The following HS3ST4 variants were observed in gnomAD, a reference collection of about 807,000 sequenced individuals.
HS3ST4 encodes heparan sulfate-glucosamine 3-sulfotransferase 4, also known as heparan sulfate glucosamine 3-O-sulfotransferase 4.
Under a neutral mutation model 29.2 loss-of-function variants are expected in HS3ST4, and 17 were observed. That is an observed-to-expected ratio of 0.58 (90% confidence interval 0.40 to 0.87). The LOEUF is 0.87. Ranked by LOEUF, HS3ST4 falls within the 40% of genes least tolerant of loss-of-function variation. The pLI is 0.00. For missense variants in HS3ST4, 627 were observed against 634.5 expected (o/e 0.99, Z 0.13); for synonymous variants, 314 against 285.7 (o/e 1.10, Z -1.00).
intron 1 of HS3ST4, among the ~76,000 whole-genome samples, chr16:25,742,723 T>C (rs536763642): frequency 6.6e-6 from 1 of 152,342 alleles, no homozygotes; most frequent in African/African-American, 2.4e-5. Context: ...CCTTTTGTTT[T>C]ACTCTCAGCA....
intron 1 of HS3ST4, among the ~76,000 whole-genome samples, chr16:25,863,880 G>T (rs1039699830): frequency 6.6e-6 from 1 of 152,230 alleles, no homozygotes; most frequent in South Asian, 2.1e-4. Context: ...AGACTGGATG[G>T]TTTAAACAAA....
intron 1 of HS3ST4, among the ~76,000 whole-genome samples, chr16:25,896,381 A>C (rs1370569096): frequency 6.6e-6 from 1 of 152,220 alleles, no homozygotes; most frequent in Non-Finnish European, 1.5e-5. Flanking sequence ...CAGGCAGGTA[A>C]CAAACATATG....
intron 1 of HS3ST4, among the ~76,000 whole-genome samples, chr16:26,122,677 T>C (rs1899291947): frequency 1.3e-5 from 2 of 152,166 alleles, no homozygotes; most frequent in Non-Finnish European, 2.9e-5. Context: ...CAATGTCCAT[T>C]TGAGAGGTGG....
intron 1 of HS3ST4, among the ~76,000 whole-genome samples, chr16:25,742,269 C>G (rs149197581): frequency 1.3e-5 from 2 of 152,138 alleles, no homozygotes; most frequent in African/African-American, 4.8e-5. Context: ...AGAAATGGTA[C>G]GCAGAAGCTC....
chr16:25,791,608 T>A (rs1966869391), intron 1 of HS3ST4, among the ~76,000 whole-genome samples: 1 of 152,146 alleles, frequency 6.6e-6, no homozygotes, highest in Non-Finnish European at 1.5e-5. Context: ...TGTAGACTTT[T>A]GTATAGAGTT....
At chr16:26,121,537 G>A (rs1242993002) in intron 1 of HS3ST4, among the ~76,000 whole-genome samples, 1 of 152,192 alleles carries the variant, frequency 6.6e-6, no homozygotes, top group Non-Finnish European at 1.5e-5. Context: ...CTCAGCGAGA[G>A]CAAACAGGGC....
At chr16:25,754,683 T>TAA (rs111267538) in intron 1 of HS3ST4, among the ~76,000 whole-genome samples, 63 of 152,176 alleles carry the variant, frequency 4.1e-4, no homozygotes, top group African/African-American at 1.5e-3. Context: ...AAAGCCCCTT[T>TAA]AAAACCCTCA....
At chr16:25,727,813 T>G (rs1251408588) in intron 1 of HS3ST4, among the ~76,000 whole-genome samples, 2 of 152,138 alleles carry the variant, frequency 1.3e-5, no homozygotes, top group Non-Finnish European at 2.9e-5. Context: ...CATTCAGGTG[T>G]TTTATGGAAG....
At chr16:25,929,016 AAC>A (rs1158565394) in intron 1 of HS3ST4, among the ~76,000 whole-genome samples, 11 of 152,210 alleles carry the variant, frequency 7.2e-5, no homozygotes, top group Admixed American at 1.3e-4. Context: ...GAACATAGGA[AAC>A]ACGTGTAGAA....
At chr16:26,014,425 G>A (rs964299311) in intron 1 of HS3ST4, among the ~76,000 whole-genome samples, 13 of 152,130 alleles carry the variant, frequency 8.5e-5, no homozygotes, top group African/African-American at 2.7e-4. Flanking sequence ...TTTGGTGTTC[G>A]AATTATTTCA....
At chr16:25,887,357 T>G (rs527896829) in intron 1 of HS3ST4, among the ~76,000 whole-genome samples, 16 of 152,110 alleles carry the variant, frequency 1.1e-4, no homozygotes, top group African/African-American at 3.6e-4. Context: ...TCCTGGTGGG[T>G]GTCTAAAGCT....
chr16:25,960,145 A>AG lies in HS3ST4; in HGVS notation c.735-175466dup, dbSNP rs753255662. The stretch of plus-strand genomic sequence containing the variant: ...GAGTGAAACTCCGTCTCAAAAAAAA[A>AG]GAATCTGGGACCTTCCCCATTTCTC... On this transcript the variant is annotated intron_variant, in intron 1 of 1. Coordinates refer to ENST00000331351, the MANE Select transcript of HS3ST4 (RefSeq NM_006040.3). Among the ~76,000 whole-genome samples, 3 of 152,170 alleles carry AG rather than the reference A, an allele frequency of 2.0e-5. No homozygotes were observed. In the South Asian group the frequency reaches 6.2e-4, roughly 32 times the overall value.
At chr16:25,925,931 T>C (rs768635045) in intron 1 of HS3ST4, among the ~76,000 whole-genome samples, 4 of 152,204 alleles carry the variant, frequency 2.6e-5, no homozygotes, top group Non-Finnish European at 4.4e-5. Context: ...CAAGTTGTAC[T>C]CCCTCTCTGC....
intron 1 of HS3ST4, among the ~76,000 whole-genome samples, chr16:25,846,449 T>A (rs2141647369): frequency 6.6e-6 from 1 of 152,082 alleles, no homozygotes; most frequent in Middle Eastern, 3.4e-3. Context: ...TGGGAGGATC[T>A]CTTGAGCCCA....
At chr16:25,693,574 A>T (rs1216417065) in intron 1 of HS3ST4, among the ~76,000 whole-genome samples, 1 of 152,184 alleles carries the variant, frequency 6.6e-6, no homozygotes. Flanking sequence ...GTCCCCTGGA[A>T]TCTCTTAAAA....
At chr16:25,918,823 C>A (rs1215381816) in intron 1 of HS3ST4, among the ~76,000 whole-genome samples, 1 of 152,072 alleles carries the variant, frequency 6.6e-6, no homozygotes, top group Non-Finnish European at 1.5e-5. Flanking sequence ...CAAAAAGTTG[C>A]AAGAGAAGCC....
intron 1 of HS3ST4, among the ~76,000 whole-genome samples, chr16:25,735,928 G>A (rs1033701852): frequency 6.6e-6 from 1 of 152,126 alleles, no homozygotes; most frequent in African/African-American, 2.4e-5. Flanking sequence ...GAAAATTGAG[G>A]CACTAATTAC....
intron 1 of HS3ST4, among the ~76,000 whole-genome samples, chr16:25,888,157 G>T (rs1967973865): frequency 6.6e-6 from 1 of 152,098 alleles, no homozygotes; most frequent in African/African-American, 2.4e-5. Context: ...GAGCAAGCAG[G>T]CCTGCTTCAT....
intron 1 of HS3ST4, among the ~76,000 whole-genome samples, chr16:26,086,494 C>G (rs563269127): frequency 1.3e-5 from 2 of 152,136 alleles, no homozygotes; most frequent in Admixed American, 1.3e-4. Flanking sequence ...GGACTACAGT[C>G]GCCTGCCACC....
Sources: gnomAD v4.1 joint callset for allele counts (sites outside exome capture counted in the v4.1 genomes callset) on GRCh38, gnomAD v4.1.1 for gene constraint, MANE v1.5 for transcripts, NCBI Gene and HGNC (gene_info 2026-07-23, HGNC 2026-07-21) for gene names.